The following ARHGEF4 variants were observed in gnomAD, a reference collection of about 807,000 sequenced individuals.
ARHGEF4 encodes the protein APC-stimulated guanine nucleotide exchange factor 1.
A neutral mutation model predicts 162.0 loss-of-function variants in ARHGEF4; 119 were observed. The observed-to-expected ratio is 0.73, with a 90% CI of 0.63 to 0.86. ARHGEF4 has a LOEUF of 0.86. ARHGEF4 is among the 40% of genes least tolerant of loss of function. ARHGEF4 has a pLI of 0.00. For synonymous variants in ARHGEF4, 1,014 were observed against 979.9 expected, an observed-to-expected ratio of 1.03 and a Z score of -0.65; for missense variants, 2,488 against 2,456.0, an observed-to-expected ratio of 1.01 and a Z score of -0.28.
intron 4 of ARHGEF4, among the ~76,000 whole-genome samples, chr2:131,005,365 G>A (rs1325185961): frequency 2.6e-5 from 4 of 152,144 alleles, no homozygotes; most frequent in Non-Finnish European, 4.4e-5. Flanking sequence ...ATGACATGGG[G>A]TGTCCCACAC....
At chr2:131,010,698 T>C (rs1055398936) in intron 4 of ARHGEF4, among the ~76,000 whole-genome samples, 2 of 152,146 alleles carry the variant, frequency 1.3e-5, no homozygotes, top group Non-Finnish European at 2.9e-5. Flanking sequence ...CCACCAGAGC[T>C]GAGGGGGTGG....
intron 3 of ARHGEF4, among the ~76,000 whole-genome samples, chr2:130,940,095 C>G (rs747201777): frequency 9.2e-5 from 14 of 152,080 alleles, no homozygotes; most frequent in Non-Finnish European, 1.8e-4. Context: ...TTCTTCCAGC[C>G]TCTGCCTACT....
At chr2:130,994,847 T>A (rs1382849376) in intron 4 of ARHGEF4, among the ~76,000 whole-genome samples, 1 of 152,236 alleles carries the variant, frequency 6.6e-6, no homozygotes, top group Non-Finnish European at 1.5e-5. Context: ...AAGTGGACTC[T>A]TTATAGATGC....
At chr2:130,910,337 C>G (rs975048921) in intron 1 of ARHGEF4, among the ~76,000 whole-genome samples, 4 of 151,958 alleles carry the variant, frequency 2.6e-5, no homozygotes, top group Non-Finnish European at 5.9e-5. Context: ...AAATACTAAC[C>G]AAAAGAATGC....
intron 4 of ARHGEF4, chr2:131,011,933 G>A: frequency 1.4e-6 from 1 of 701,846 alleles, no homozygotes; most frequent in East Asian, 2.7e-5. Context: ...GATGAAAAAT[G>A]GTTGGATTCT....
chr2:130,998,892 CTG>C (rs1224244598), intron 4 of ARHGEF4, among the ~76,000 whole-genome samples: 2 of 152,210 alleles, frequency 1.3e-5, no homozygotes, highest in Non-Finnish European at 2.9e-5. Flanking sequence ...AACTGACAAA[CTG>C]TGTTCCAAAG....
chr2:130,887,758 A>G (rs1679606954), intron 1 of ARHGEF4, among the ~76,000 whole-genome samples: 1 of 152,176 alleles, frequency 6.6e-6, no homozygotes, highest in African/African-American at 2.4e-5. Flanking sequence ...TCAGGAACCC[A>G]GGCCATTTCT....
intron 4 of ARHGEF4, among the ~76,000 whole-genome samples, chr2:130,970,187 C>T (rs188488207): frequency 4.9e-4 from 75 of 152,258 alleles, no homozygotes; most frequent in Middle Eastern, 3.4e-3. Flanking sequence ...ATGGTAAGTG[C>T]GTGTTTCACT....
chr2:130,915,344 A>C lies in ARHGEF4; in HGVS notation c.1398A>C (p.Pro466=). 1.9e-6 allele frequency: 3 copies of C among 1,550,736 alleles called. No individual in the cohort carries two copies. The highest frequency in any genetic ancestry group is 2.6e-6 in the Non-Finnish European group (3 of 1,147,032). The change falls in exon 2 of 14, where the codon CCA becomes CCC. Residue 466 remains proline, a synonymous_variant. Transcript: ENST00000409359. ...EPAECKSEQS[P]ESRTQEPQGT... is the part of the protein sequence containing the mutation. ...CTGAGTGCAAGTCAGAGCAAAGCCC[A>C]GAAAGCAGAACCCAGGAACCCCAAG...
At chr2:131,014,856 G>T (rs565036736) in intron 4 of ARHGEF4, among the ~76,000 whole-genome samples, 1 of 152,250 alleles carries the variant, frequency 6.6e-6, no homozygotes, top group South Asian at 2.1e-4. Context: ...GAGAGTAGGG[G>T]CAGCAAGGGG....
At chr2:130,948,507 T>G (rs1409208595) in intron 4 of ARHGEF4, among the ~76,000 whole-genome samples, 1 of 152,212 alleles carries the variant, frequency 6.6e-6, no homozygotes, top group East Asian at 1.9e-4. Context: ...CAAAGCTGAT[T>G]TTGGCCTTTC....
At position 130,915,200 on chromosome 2, in the gene ARHGEF4, T is replaced by TC; in HGVS notation, c.1256dup (p.Ser420PhefsTer37). 6.4e-7 allele frequency: 1 copy of TC among 1,550,576 alleles called. No homozygotes were observed. The highest frequency in any genetic ancestry group is 8.7e-7 in the Non-Finnish European group (1 of 1,146,994). The stretch of plus-strand genomic sequence containing the variant: ...GCTTGCAAAGGGCCTCTCAGGACAC[T>TC]CCTTCTGCAGGTCTCCTGGGGGAAA... On this transcript the variant is annotated frameshift_variant, in exon 2 of 14. Transcript: ENST00000409359. LOFTEE classifies it high-confidence loss of function.
chr2:131,017,218 C>A (rs1688822297), intron 4 of ARHGEF4, among the ~76,000 whole-genome samples: 1 of 152,122 alleles, frequency 6.6e-6, no homozygotes, highest in Non-Finnish European at 1.5e-5. Context: ...CCCACAGTAG[C>A]TTTGTAAGAG....
intron 3 of ARHGEF4, among the ~76,000 whole-genome samples, chr2:130,934,569 G>T (rs1213099403): frequency 6.6e-6 from 1 of 152,120 alleles, no homozygotes; most frequent in African/African-American, 2.4e-5. Context: ...TTGAGATGGA[G>T]TCTCACTCTG....
intron 2 of ARHGEF4, among the ~76,000 whole-genome samples, chr2:130,926,331 A>AT (rs1186099093): frequency 6.6e-6 from 1 of 151,746 alleles, no homozygotes; most frequent in Non-Finnish European, 1.5e-5. Flanking sequence ...TTTTTGAAGC[A>AT]TTTTTATGAT....
intron 4 of ARHGEF4, among the ~76,000 whole-genome samples, chr2:130,988,969 CT>C (rs1180045280): frequency 1.5e-5 from 2 of 131,898 alleles, no homozygotes; most frequent in Non-Finnish European, 1.6e-5. Flanking sequence ...TTTCTTTTTT[CT>C]TTTTTTTTGA....
At chr2:130,934,051 G>A (rs971725534) in intron 3 of ARHGEF4, among the ~76,000 whole-genome samples, 2 of 152,168 alleles carry the variant, frequency 1.3e-5, no homozygotes, top group African/African-American at 4.8e-5. Context: ...TATGATGTTA[G>A]CTGTGTGTTT....
At chr2:130,888,432 T>G (rs1679654995) in intron 1 of ARHGEF4, among the ~76,000 whole-genome samples, 1 of 151,904 alleles carries the variant, frequency 6.6e-6, no homozygotes, top group African/African-American at 2.4e-5. Context: ...GATCACACCA[T>G]TGCACTCCAG....
At chr2:130,877,285 A>G (rs958094591) in intron 1 of ARHGEF4, among the ~76,000 whole-genome samples, 2 of 152,194 alleles carry the variant, frequency 1.3e-5, no homozygotes, top group African/African-American at 4.8e-5. Context: ...AAGATTTATT[A>G]TTTTAATTAA....
Sources: allele counts gnomAD v4.1 joint callset (sites outside exome capture counted in the v4.1 genomes callset), GRCh38; gene constraint gnomAD v4.1.1; transcripts MANE v1.5; gene names NCBI Gene and HGNC (gene_info 2026-07-23, HGNC 2026-07-21).